GALNT18: variants seen among roughly 807,000 people sequenced by gnomAD.
GALNT18 encodes polypeptide N-acetylgalactosaminyltransferase 18, also known as GalNAc-transferase 18.
In GALNT18, 44 loss-of-function variants were observed where a neutral mutation model predicts 69.5. The observed-to-expected ratio is 0.63, with a 90% CI of 0.50 to 0.81. GALNT18 has a LOEUF of 0.81. Ranked by LOEUF, GALNT18 falls within the 40% of genes least tolerant of loss-of-function variation. The pLI is 0.00. For missense variants in GALNT18, 715 were observed against 810.0 expected (o/e 0.88, Z 1.42); for synonymous variants, 364 against 318.2 (o/e 1.14, Z -1.53).
intron 6 of GALNT18, among the ~76,000 whole-genome samples, chr11:11,366,323 A>T (rs1179911286): frequency 6.6e-6 from 1 of 152,194 alleles, no homozygotes; most frequent in Non-Finnish European, 1.5e-5. Context: ...AATACATATA[A>T]ATTAATGTGT....
At chr11:11,426,889 G>A (rs1855145207) in intron 3 of GALNT18, among the ~76,000 whole-genome samples, 2 of 152,156 alleles carry the variant, frequency 1.3e-5, no homozygotes, top group Admixed American at 1.3e-4. Context: ...AAACAGCAAG[G>A]GCAAATGTCC....
At chr11:11,529,821 T>C (rs950013451) in intron 1 of GALNT18, among the ~76,000 whole-genome samples, 1 of 152,182 alleles carries the variant, frequency 6.6e-6, no homozygotes, top group Non-Finnish European at 1.5e-5. Context: ...CACATATGTA[T>C]GAGTGTGTAT....
At chr11:11,440,227 C>T (rs571310709) in intron 2 of GALNT18, among the ~76,000 whole-genome samples, 13 of 152,320 alleles carry the variant, frequency 8.5e-5, no homozygotes, top group South Asian at 2.1e-4. Context: ...TCATTTACAA[C>T]GTAAGCAACC....
At position 11,463,543 on chromosome 11, in the gene GALNT18, G is replaced by A. The variant is rs542755517; in HGVS notation, c.236-14607C>T. On this transcript the variant is annotated intron_variant, in intron 1 of 10. Coordinates refer to ENST00000227756, the MANE Select transcript of GALNT18 (RefSeq NM_198516.3). This position sits in a 1 kb window ranked among gnomAD's most constrained non-coding sequence, Gnocchi z 4.2. The stretch of plus-strand genomic sequence containing the variant: ...AGCTGTTGTGGCCCCAGGGCTGAGC[G>A]TGCCATCACTCCCAGCAGCTGTCGG... Among the ~76,000 whole-genome samples, 42 of 152,230 alleles carry A rather than the reference G, an allele frequency of 2.8e-4. No individual in the cohort carries two copies. The highest frequency in any genetic ancestry group is 1.5e-4 in the Non-Finnish European group (10 of 68,026).
intron 1 of GALNT18, among the ~76,000 whole-genome samples, chr11:11,532,613 G>A (rs992633221): frequency 1.3e-5 from 2 of 152,250 alleles, no homozygotes; most frequent in Non-Finnish European, 2.9e-5. Context: ...AGAGAGCCAA[G>A]CTGGTCAATG....
rs1272225223 is a variant in GALNT18, at chr11:11,315,758, C to T, written c.1512+11328G>A. On this transcript the variant is annotated intron_variant, in intron 9 of 10. Transcript: ENST00000227756. This position sits in a 1 kb window ranked among gnomAD's most constrained non-coding sequence, Gnocchi z 5.6. ...GAAAGATCAGATCACTTGCCCCCGT[C>T]ATACATGTGGTACGGGCAGAACTGG... is the stretch of plus-strand genomic sequence containing the variant. 6.6e-6 allele frequency among the ~76,000 whole-genome samples: 1 copy of T among 152,166 alleles called. No individual in the cohort carries two copies. Among genetic ancestry groups the T allele is most frequent in the African/African-American group, 2.4e-5 (1 of 41,436 alleles).
chr11:11,318,863 C>T lies in GALNT18; in HGVS notation c.1512+8223G>A, dbSNP rs898685270. Among the ~76,000 whole-genome samples the T allele has an allele frequency of 6.6e-6, 1 of 152,162 alleles. No homozygotes were observed. The highest frequency in any genetic ancestry group is 1.9e-4 in the East Asian group (1 of 5,198). On this transcript the variant is annotated intron_variant, in intron 9 of 10. Transcript: ENST00000227756. This position sits in a 1 kb window ranked among gnomAD's most constrained non-coding sequence, Gnocchi z 5.1. ...GTATGTAATTTTCCAAGAGAATGTA[C>T]TCATGCTTGACTTTGCTATTTACCT...
Position 11,435,674 on chromosome 11 carries a change from G to A in GALNT18, c.429-2887C>T, listed in dbSNP as rs903255461. Among the ~76,000 whole-genome samples, 1 of 152,126 alleles carries A rather than the reference G, an allele frequency of 6.6e-6. No individual in the cohort carries two copies. Among genetic ancestry groups the A allele is most frequent in the Non-Finnish European group, 1.5e-5 (1 of 68,032 alleles). On this transcript the variant is annotated intron_variant, in intron 2 of 10. Transcript: ENST00000227756. This position sits in a 1 kb window ranked among gnomAD's most constrained non-coding sequence, Gnocchi z 4.4. ...TCCATGAATGTTTTTGGAATGAAAC[G>A]AACCTAACAGCTTGCTTGTTTTATC...
At chr11:11,501,690 A>G (rs1191820763) in intron 1 of GALNT18, among the ~76,000 whole-genome samples, 1 of 152,190 alleles carries the variant, frequency 6.6e-6, no homozygotes, top group Non-Finnish European at 1.5e-5. Context: ...GACAACCAGA[A>G]GACCTGGAAC....
chr11:11,514,590 C>T (rs1032019794), intron 1 of GALNT18, among the ~76,000 whole-genome samples: 1 of 152,204 alleles, frequency 6.6e-6, no homozygotes, highest in Non-Finnish European at 1.5e-5. Context: ...ACTAGTCCTG[C>T]GACCCCTTCC....
Position 11,550,609 on chromosome 11 carries a change from T to C in GALNT18, c.235+70750A>G, listed in dbSNP as rs142176220. ...ATTCTCAGATTACAAGTGCATAGGA[T>C]ACTCATTGACACAGACAGGTAAGGA... is the stretch of plus-strand genomic sequence containing the variant. On this transcript the variant is annotated intron_variant, in intron 1 of 10. Coordinates refer to ENST00000227756, the MANE Select transcript of GALNT18 (RefSeq NM_198516.3). Among the ~76,000 whole-genome samples, 193 of 152,328 alleles carry C rather than the reference T, an allele frequency of 1.3e-3. 1 individual carries two copies. Among genetic ancestry groups the C allele is most frequent in the Non-Finnish European group, 7.3e-4 (50 of 68,030 alleles).
At position 11,396,455 on chromosome 11, in the gene GALNT18, G is replaced by T. The variant is rs1230464004; in HGVS notation, c.596-17191C>A. Among the ~76,000 whole-genome samples, 2 of 152,104 alleles carry T rather than the reference G, an allele frequency of 1.3e-5. No homozygotes were observed. The highest frequency in any genetic ancestry group is 2.9e-5 in the Non-Finnish European group (2 of 68,030). On this transcript the variant is annotated intron_variant, in intron 3 of 10. Coordinates refer to ENST00000227756, the MANE Select transcript of GALNT18 (RefSeq NM_198516.3). This position sits in a 1 kb window ranked among gnomAD's most constrained non-coding sequence, Gnocchi z 5.2. ...ATGGAGAAAGAATTCACGTGTGGGA[G>T]GTACCGATGAATCAGACGAGGAAAC... is the stretch of plus-strand genomic sequence containing the variant.
intron 10 of GALNT18, among the ~76,000 whole-genome samples, chr11:11,289,985 C>T (rs1015925419): frequency 2.6e-5 from 4 of 152,170 alleles, no homozygotes; most frequent in South Asian, 2.1e-4. Context: ...CAGGAATACC[C>T]ATGTCTGGAT....
At chr11:11,280,381 G>T (rs1391929160) in intron 10 of GALNT18, among the ~76,000 whole-genome samples, 1 of 152,184 alleles carries the variant, frequency 6.6e-6, no homozygotes, top group Admixed American at 6.5e-5. Flanking sequence ...TGTGGCCATG[G>T]GACCCTTCAG....
At chr11:11,388,764 C>T (rs1020568943) in intron 3 of GALNT18, among the ~76,000 whole-genome samples, 1 of 152,234 alleles carries the variant, frequency 6.6e-6, no homozygotes, top group Non-Finnish European at 1.5e-5. Flanking sequence ...CACTTCAGAT[C>T]AATCCATCCT....
chr11:11,486,373 G>A (rs990381109), intron 1 of GALNT18, among the ~76,000 whole-genome samples: 5 of 152,136 alleles, frequency 3.3e-5, no homozygotes, highest in African/African-American at 4.8e-5. Flanking sequence ...TGAAATGAAG[G>A]GTGTGTAAGC....
chr11:11,270,998 G>GA lies in GALNT18; in HGVS notation c.*145dup. On this transcript the variant is annotated 3_prime_UTR_variant, in exon 11 of 11. Transcript: ENST00000227756. ...ATCAGCATCTTTCTATAAACTCCAT[G>GA]AAAATTGAATAGGAAATAAAAAGCT... 3.2e-6 allele frequency: 2 copies of GA among 628,216 alleles called. No individual in the cohort carries two copies. The highest frequency in any genetic ancestry group is 5.2e-6 in the Non-Finnish European group (2 of 381,830). 38.9% of individuals were successfully genotyped at this position (628,216 alleles called of 1,614,324 possible).
intron 1 of GALNT18, among the ~76,000 whole-genome samples, chr11:11,501,583 T>A (rs1022211318): frequency 1.1e-4 from 16 of 152,206 alleles, no homozygotes; most frequent in Non-Finnish European, 8.8e-5. Flanking sequence ...TCCCTAGAGA[T>A]GGCCCAAGTA....
chr11:11,379,322 A>G (rs890454029), intron 3 of GALNT18, 58 bp from the exon 4 acceptor site: 130 of 1,498,886 alleles, frequency 8.7e-5, no homozygotes, highest in Non-Finnish European at 1.1e-4. Flanking sequence ...CAGAGGGGGC[A>G]ATCACAACAG....
Sources: allele counts gnomAD v4.1 joint callset (sites outside exome capture counted in the v4.1 genomes callset), GRCh38; gene constraint gnomAD v4.1.1; non-coding constraint Gnocchi (gnomAD v3.1); transcripts MANE v1.5; gene names NCBI Gene and HGNC (gene_info 2026-07-23, HGNC 2026-07-21).